Variants in BLTP3B observed in about 807,000 individuals in gnomAD.
The protein encoded by BLTP3B is UHRF1 (ICBP90) binding protein 1-like.
chr12:100,069,422 T>TTG, the BLTP3B span, among the ~76,000 whole-genome samples: 2 of 151,020 alleles, frequency 1.3e-5, no homozygotes, highest in Non-Finnish European at 3.0e-5. Context: ...GTGGGGGTGT[T>TTG]TGTGTGTGTG....
the BLTP3B span, among the ~76,000 whole-genome samples, chr12:100,123,254 G>C: frequency 1.3e-5 from 2 of 152,150 alleles, no homozygotes; most frequent in South Asian, 4.1e-4. Flanking sequence ...ATGTATGAGA[G>C]AACAGACAGA....
the BLTP3B span, among the ~76,000 whole-genome samples, chr12:100,085,184 T>C: frequency 2.0e-5 from 3 of 152,098 alleles, no homozygotes; most frequent in Non-Finnish European, 2.9e-5. Flanking sequence ...GGCTTCTCTG[T>C]AGCAACTAAG....
the BLTP3B span, chr12:100,083,203 A>C: frequency 9.1e-7 from 1 of 1,104,730 alleles, no homozygotes; most frequent in Non-Finnish European, 1.4e-6. Flanking sequence ...TTTATTATTA[A>C]GGCAGGTACC....
the BLTP3B span, among the ~76,000 whole-genome samples, chr12:100,077,822 G>T: frequency 2.0e-5 from 3 of 152,200 alleles, no homozygotes; most frequent in African/African-American, 7.2e-5. Flanking sequence ...GACCACGTTA[G>T]GTGATTATAA....
At chr12:100,087,402 G>T in the BLTP3B span, among the ~76,000 whole-genome samples, 1 of 152,108 alleles carries the variant, frequency 6.6e-6, no homozygotes, top group Admixed American at 6.6e-5. Flanking sequence ...TCAACTAGTA[G>T]AATTTTCAGC....
At chr12:100,142,603 C>G in the BLTP3B span, 1 of 1,609,234 alleles carries the variant, frequency 6.2e-7, no homozygotes, top group Non-Finnish European at 8.5e-7. Context: ...TGGAGAGGTG[C>G]TTCAAGATTT....
the BLTP3B span, among the ~76,000 whole-genome samples, chr12:100,079,141 A>C: frequency 2.6e-5 from 4 of 152,198 alleles, no homozygotes; most frequent in Non-Finnish European, 5.9e-5. Context: ...AAAACCGACT[A>C]ATACAGTAAA....
chr12:100,118,061 A>T, the BLTP3B span, among the ~76,000 whole-genome samples: 1 of 152,120 alleles, frequency 6.6e-6, no homozygotes, highest in Non-Finnish European at 1.5e-5. Flanking sequence ...TGAAATTGGC[A>T]TTTCTCTTGG....
At chr12:100,117,839 T>C in the BLTP3B span, among the ~76,000 whole-genome samples, 2 of 152,136 alleles carry the variant, frequency 1.3e-5, no homozygotes, top group Admixed American at 6.6e-5. Context: ...TTCAAGCCCA[T>C]TCCCAGAGAT....
At chr12:100,124,968 A>T in the BLTP3B span, among the ~76,000 whole-genome samples, 9 of 93,150 alleles carry the variant, frequency 9.7e-5, no homozygotes, top group African/African-American at 4.8e-4. Context: ...ATATATATAT[A>T]TATATATATA....
the BLTP3B span, among the ~76,000 whole-genome samples, chr12:100,081,218 T>C: frequency 1.2e-3 from 180 of 152,286 alleles, no homozygotes; most frequent in African/African-American, 4.2e-3. Flanking sequence ...AATGGACTAA[T>C]ACAGAGGAGG....
the BLTP3B span, among the ~76,000 whole-genome samples, chr12:100,100,635 C>G: frequency 6.6e-6 from 1 of 151,224 alleles, no homozygotes; most frequent in South Asian, 2.1e-4. Flanking sequence ...TCGATTGAGC[C>G]TGGGAGGTCA....
the BLTP3B span, among the ~76,000 whole-genome samples, chr12:100,138,772 C>A: frequency 6.6e-6 from 1 of 152,180 alleles, no homozygotes; most frequent in Non-Finnish European, 1.5e-5. Context: ...ACTTCCCTAC[C>A]CCTTTTCAGG....
At chr12:100,064,262 A>T in the BLTP3B span, among the ~76,000 whole-genome samples, 11 of 152,314 alleles carry the variant, frequency 7.2e-5, no homozygotes, top group African/African-American at 2.6e-4. Context: ...GAAAACATGA[A>T]CAAAGCCTCC....
the BLTP3B span, among the ~76,000 whole-genome samples, chr12:100,081,883 C>T: frequency 2.6e-5 from 4 of 152,160 alleles, no homozygotes; most frequent in Non-Finnish European, 4.4e-5. Context: ...TACAAGTGCA[C>T]GTTATCTTTG....
At chr12:100,128,704 C>G in the BLTP3B span, 1 of 1,288,314 alleles carries the variant, frequency 7.8e-7, no homozygotes, top group Non-Finnish European at 1.0e-6. Context: ...ACACCAATCT[C>G]CACCACAGCC....
chr12:100,132,888 C>G, the BLTP3B span, among the ~76,000 whole-genome samples: 2 of 152,032 alleles, frequency 1.3e-5, no homozygotes, highest in African/African-American at 4.8e-5. Flanking sequence ...GTGGAGGTTA[C>G]AGTGAGCTGA....
chr12:100,086,162 T>C, the BLTP3B span: 1 of 619,710 alleles, frequency 1.6e-6, no homozygotes, highest in African/African-American at 1.9e-5. Context: ...AATACCAATC[T>C]CTTCATCTCA....
chr12:100,128,825 T>G, the BLTP3B span: 124 of 1,041,740 alleles, frequency 1.2e-4, no homozygotes, highest in Admixed American at 4.9e-3. Context: ...TGGTGCCCTT[T>G]GGAAAAAAAA....
Sources: gnomAD v4.1 joint callset for allele counts (sites outside exome capture counted in the v4.1 genomes callset) on GRCh38, gnomAD v4.1.1 for gene constraint, MANE v1.5 for transcripts, NCBI Gene and HGNC (gene_info 2026-07-23, HGNC 2026-07-21) for gene names.